The following PCLO variants were observed in gnomAD, a reference collection of about 807,000 sequenced individuals.
PCLO encodes the protein protein piccolo.
PCLO carries 82 observed loss-of-function variants against 427.5 expected under a neutral mutation model. The ratio of observed to expected loss-of-function variants is 0.19; its 90% CI spans 0.16 to 0.23. PCLO has a LOEUF of 0.23. Among genes scored for constraint, PCLO ranks in the 10% least tolerant of loss-of-function variants. The pLI is 1.00. For synonymous variants in PCLO, 2,357 were observed against 2,155.4 expected, an observed-to-expected ratio of 1.09 and a Z score of -2.59; for missense variants, 6,239 against 6,115.9, an observed-to-expected ratio of 1.02 and a Z score of -0.67.
chr7:82,775,847 C>T (rs115309551), intron 22 of PCLO, among the ~76,000 whole-genome samples: 2,467 of 152,160 alleles, frequency 0.016, 82 homozygotes, highest in African/African-American at 0.057. Flanking sequence ...GCATTAAAGT[C>T]TATAATTCAT....
rs1013823336 is a variant in PCLO, at chr7:82,950,422, C to G, written c.10166G>C (p.Gly3389Ala). The G allele has an allele frequency of 1.2e-6, 2 of 1,613,662 alleles. No homozygotes were observed. The highest frequency in any genetic ancestry group is 1.7e-5 in the Admixed American group (1 of 59,984). ...DGVTQYIAPP[G>A]ILSTVSEIPL... is the part of the protein sequence containing the mutation. ...TATTTCTGAAACAGTGCTCAGGATACCAGGTGGGGCAATGTACTGAGTAAC... is the reference window on the plus strand; with the variant it reads ...TATTTCTGAAACAGTGCTCAGGATAGCAGGTGGGGCAATGTACTGAGTAAC... Residue 3389 changes from glycine to alanine, a missense_variant, in exon 6 of 25, where the codon GGT (glycine) becomes GCT (alanine). Coordinates refer to ENST00000333891, the MANE Select transcript of PCLO (RefSeq NM_033026.6).
At chr7:83,100,308 G>T (rs958543299) in intron 3 of PCLO, among the ~76,000 whole-genome samples, 8 of 152,008 alleles carry the variant, frequency 5.3e-5, no homozygotes, top group Non-Finnish European at 8.8e-5. Context: ...TGTCATTACT[G>T]GGAATATACC....
At chr7:83,030,142 A>C (rs1192688284) in intron 3 of PCLO, among the ~76,000 whole-genome samples, 3 of 151,138 alleles carry the variant, frequency 2.0e-5, no homozygotes, top group East Asian at 1.9e-4. Flanking sequence ...AAAGAAAAGA[A>C]AAGACTCAGC....
intron 22 of PCLO, among the ~76,000 whole-genome samples, chr7:82,762,420 G>T (rs1039282232): frequency 2.0e-5 from 3 of 151,918 alleles, no homozygotes; most frequent in Non-Finnish European, 4.4e-5. Flanking sequence ...TAAGAATTTG[G>T]TTTTTCTGTT....
chr7:82,763,455 T>C (rs1196295423), intron 22 of PCLO, among the ~76,000 whole-genome samples: 1 of 152,086 alleles, frequency 6.6e-6, no homozygotes, highest in Non-Finnish European at 1.5e-5. Flanking sequence ...AGTTGAGTAA[T>C]TTTTGAAAGA....
At chr7:83,107,728 C>G (rs1237219273) in intron 3 of PCLO, among the ~76,000 whole-genome samples, 1 of 35,828 alleles carries the variant, frequency 2.8e-5, no homozygotes, top group East Asian at 9.9e-4. Flanking sequence ...CGGTGGCTCA[C>G]GCCTATAATC....
chr7:83,115,254 C>G (rs535169464), intron 3 of PCLO, among the ~76,000 whole-genome samples: 43 of 152,032 alleles, frequency 2.8e-4, no homozygotes, highest in African/African-American at 1.0e-3. Context: ...CTATTTTTAG[C>G]AGATACAAAA....
Position 82,756,582 on chromosome 7 carries a change from T to C in PCLO, c.*1993A>G, listed in dbSNP as rs1790324358. Reference sequence around the variant, plus strand: ...CTGGGATATATTAGAAATTCTCTTATTTTTAGTGCTTTACAGTCCTCTCAA... The same window carrying C: ...CTGGGATATATTAGAAATTCTCTTACTTTTAGTGCTTTACAGTCCTCTCAA... On this transcript the variant is annotated 3_prime_UTR_variant, in exon 25 of 25. Transcript: ENST00000333891. The C allele has an allele frequency of 6.6e-6, 1 of 151,990 alleles. No homozygotes were observed. Among genetic ancestry groups the C allele is most frequent in the African/African-American group, 2.4e-5 (1 of 41,390 alleles). The allele number at this position is 151,990 out of a possible 1,614,324, so 9.4% of individuals were successfully genotyped here. A position where few individuals can be genotyped will look rare whatever the true frequency, so the allele number is the denominator to read the frequency against.
At chr7:83,132,984 C>T (rs1791611573) in intron 3 of PCLO, among the ~76,000 whole-genome samples, 1 of 151,692 alleles carries the variant, frequency 6.6e-6, no homozygotes, top group Non-Finnish European at 1.5e-5. Context: ...TCATGAAGTC[C>T]TAAGAGAAAC....
intron 22 of PCLO, among the ~76,000 whole-genome samples, chr7:82,777,387 G>C (rs1790776552): frequency 6.6e-6 from 1 of 151,812 alleles, no homozygotes. Flanking sequence ...ATTCTTCAGA[G>C]AACTAGAAAA....
chr7:82,760,620 C>T lies in PCLO; in HGVS notation c.15288+19G>A. The stretch of plus-strand genomic sequence containing the variant: ...ATGAATGAGAAGTTTCAAATATGAA[C>T]TACATAATACAGAGCTACCTGAAGA... On this transcript the variant is annotated intron_variant, in intron 24 of 24. Coordinates refer to ENST00000333891, the MANE Select transcript of PCLO (RefSeq NM_033026.6). 4 of 1,500,730 alleles carry T rather than the reference C, an allele frequency of 2.7e-6. No individual in the cohort carries two copies. Among genetic ancestry groups the T allele is most frequent in the Non-Finnish European group, 3.6e-6 (4 of 1,120,508 alleles). 93.0% of individuals were successfully genotyped at this position (1,500,730 alleles called of 1,614,324 possible).
Position 82,766,597 on chromosome 7 carries a change from A to G in PCLO, c.15008-5104T>C, listed in dbSNP as rs1165066043. Among the ~76,000 whole-genome samples, 4 of 152,076 alleles carry G rather than the reference A, an allele frequency of 2.6e-5. No individual in the cohort carries two copies. In the East Asian group the frequency reaches 7.8e-4, roughly 29 times the overall value. The stretch of plus-strand genomic sequence containing the variant: ...CTATTTGGAGTCAATAGCAGTTGTG[A>G]ATAGAATTGATCACACTAATGATCA... On this transcript the variant is annotated intron_variant, in intron 22 of 24. Coordinates refer to ENST00000333891, the MANE Select transcript of PCLO (RefSeq NM_033026.6).
chr7:83,130,971 G>C (rs1791557095), intron 3 of PCLO, among the ~76,000 whole-genome samples: 1 of 152,266 alleles, frequency 6.6e-6, no homozygotes, highest in Admixed American at 6.5e-5. Context: ...AGTTAGCTTA[G>C]AAAAGGGTGC....
intron 3 of PCLO, among the ~76,000 whole-genome samples, chr7:82,970,569 G>T (rs1795880248): frequency 6.6e-6 from 1 of 151,884 alleles, no homozygotes; most frequent in South Asian, 2.1e-4. Context: ...GGTCTCATAT[G>T]TGTCTCTTCT....
At chr7:83,161,156 T>C (rs977833851) in intron 1 of PCLO, among the ~76,000 whole-genome samples, 1 of 152,214 alleles carries the variant, frequency 6.6e-6, no homozygotes, top group African/African-American at 2.4e-5. Flanking sequence ...GAAAATATTG[T>C]CACTATCCAT....
At chr7:82,817,643 C>T (rs574375261) in intron 20 of PCLO, among the ~76,000 whole-genome samples, 1 of 152,264 alleles carries the variant, frequency 6.6e-6, no homozygotes, top group South Asian at 2.1e-4. Context: ...TGACAGGTGC[C>T]GCAAATGAGC....
intron 9 of PCLO, chr7:82,879,725 C>A: frequency 2.2e-6 from 1 of 450,030 alleles, no homozygotes. Context: ...AGTAATATAC[C>A]CAGGACTTGC....
At position 82,956,211 on chromosome 7, in the gene PCLO, T is replaced by C; in HGVS notation, c.4742A>G (p.Gln1581Arg). The change falls in exon 5 of 25, where the codon CAG (glutamine) becomes CGG (arginine). Residue 1581 changes from glutamine (Q) to arginine (R), a missense_variant. This residue lies in a region of PCLO where 4,677 missense variants were observed against 4,468.4 expected (regional missense o/e 1.05). Coordinates refer to ENST00000333891, the MANE Select transcript of PCLO (RefSeq NM_033026.6). ...AGTACTGCTACTAATCTCTTTGAGCTGGTTTCTGATGAACTCATCATCTTC... is the reference window on the plus strand; with the variant it reads ...AGTACTGCTACTAATCTCTTTGAGCCGGTTTCTGATGAACTCATCATCTTC... ...GSEDDEFIRN[Q>R]LKEISSSTES... is the part of the protein sequence containing the mutation. 2 of 1,610,486 alleles carry C rather than the reference T, an allele frequency of 1.2e-6. No homozygotes were observed. Among genetic ancestry groups the C allele is most frequent in the Non-Finnish European group, 1.7e-6 (2 of 1,179,802 alleles).
At chr7:82,797,995 A>G (rs1454902740) in intron 22 of PCLO, among the ~76,000 whole-genome samples, 2 of 152,162 alleles carry the variant, frequency 1.3e-5, no homozygotes, top group African/African-American at 4.8e-5. Flanking sequence ...TTCTCAACAG[A>G]AATTGTAACT....
Sources: allele counts gnomAD v4.1 joint callset (sites outside exome capture counted in the v4.1 genomes callset), GRCh38; gene constraint gnomAD v4.1.1; regional missense constraint gnomAD v4.1.1; transcripts MANE v1.5; gene names NCBI Gene and HGNC (gene_info 2026-07-23, HGNC 2026-07-21).